Variants in ACACA observed in about 807,000 individuals in gnomAD.
The protein encoded by ACACA is acetyl-CoA carboxylase alpha.
Under a neutral mutation model 296.1 loss-of-function variants are expected in ACACA, and 103 were observed. The ratio of observed to expected loss-of-function variants is 0.35; its 90% CI spans 0.30 to 0.41. ACACA has a LOEUF of 0.41. ACACA is among the 10% of genes least tolerant of loss of function. The probability of loss-of-function intolerance (pLI) is 1.00; values close to 1 mark genes in which losing one functional copy is unlikely to be tolerated. For synonymous variants in ACACA, 953 were observed against 1,038.6 expected (o/e 0.92, Z 1.58); for missense variants, 1,554 against 2,989.7 (o/e 0.52, Z 11.20).
intron 21 of ACACA, 29 bp from the exon 22 acceptor site, chr17:37,243,588 C>T (rs1442262432): frequency 1.9e-6 from 3 of 1,603,428 alleles, no homozygotes; most frequent in Non-Finnish European, 2.6e-6. Flanking sequence ...TAAAATAGGA[C>T]CCAAGTTAAC....
intron 28 of ACACA, 83 bp from the exon 29 acceptor site, chr17:37,221,925 G>A: frequency 4.1e-6 from 5 of 1,208,186 alleles, no homozygotes; most frequent in East Asian, 2.4e-5. Context: ...TTGAAACGAG[G>A]TATCTGAGGC....
intron 16 of ACACA, among the ~76,000 whole-genome samples, chr17:37,250,574 G>A (rs1437826168): frequency 6.6e-6 from 1 of 151,842 alleles, no homozygotes; most frequent in Non-Finnish European, 1.5e-5. Context: ...GGAGGCGAAG[G>A]TTACAGTGAG....
chr17:37,317,561 T>A (rs1284081700), intron 3 of ACACA, among the ~76,000 whole-genome samples: 5 of 151,930 alleles, frequency 3.3e-5, no homozygotes, highest in African/African-American at 1.2e-4. Context: ...AGACTCTATC[T>A]GGAAAAAAAA....
intron 41 of ACACA, 107 bp downstream of exon 41, chr17:37,179,153 T>G (rs1459548755): frequency 1.4e-6 from 2 of 1,402,036 alleles, no homozygotes; most frequent in African/African-American, 2.8e-5. Flanking sequence ...TAAAGAACTC[T>G]CCCAACAAGA....
intron 45 of ACACA, among the ~76,000 whole-genome samples, chr17:37,136,859 C>T (rs2075355850): frequency 6.6e-6 from 1 of 151,878 alleles, no homozygotes; most frequent in Admixed American, 6.6e-5. Flanking sequence ...AGGAGAATCG[C>T]TTGAACCCGG....
intron 19 of ACACA, among the ~76,000 whole-genome samples, chr17:37,246,459 G>A (rs750054904): frequency 1.3e-5 from 2 of 151,244 alleles, no homozygotes; most frequent in African/African-American, 2.4e-5. Flanking sequence ...GATTTGTGAC[G>A]CAGGCCACAA....
chr17:37,287,569 T>TA (rs1170331801), intron 3 of ACACA, among the ~76,000 whole-genome samples: 17,387 of 69,678 alleles, frequency 0.25, 1,697 homozygotes, highest in East Asian at 0.52. Context: ...ACGTCTCTAC[T>TA]AAAAAAAAAA....
intron 55 of ACACA, 144 bp downstream of exon 55, chr17:37,088,794 G>A: frequency 8.9e-7 from 1 of 1,123,218 alleles, no homozygotes; most frequent in East Asian, 2.4e-5. Context: ...ATCTGTACCT[G>A]TGGGTCAACT....
intron 33 of ACACA, among the ~76,000 whole-genome samples, chr17:37,205,282 G>T (rs994120687): frequency 1.3e-5 from 2 of 152,098 alleles, no homozygotes; most frequent in Non-Finnish European, 2.9e-5. Context: ...GACGAGAAGA[G>T]GTGAAGCAAA....
intron 38 of ACACA, 147 bp from the exon 39 acceptor site, chr17:37,188,627 G>A (rs1193822702): frequency 1.3e-6 from 1 of 792,296 alleles, no homozygotes; most frequent in Non-Finnish European, 2.1e-6. Context: ...TGGTCAGATA[G>A]TTTCTCCCCA....
chr17:37,259,025 T>TA (rs1048469580), intron 12 of ACACA, among the ~76,000 whole-genome samples: 5 of 151,952 alleles, frequency 3.3e-5, no homozygotes, highest in African/African-American at 1.2e-4. Flanking sequence ...AGAACACTAG[T>TA]AAAAAAACAA....
At chr17:37,368,320 C>T (rs943406639) in intron 1 of ACACA, among the ~76,000 whole-genome samples, 4 of 151,812 alleles carry the variant, frequency 2.6e-5, no homozygotes, top group Admixed American at 2.6e-4. Context: ...GTGGTTCACA[C>T]CTATAATCCC....
chr17:37,165,377 A>G (rs1157203783), intron 41 of ACACA, among the ~76,000 whole-genome samples: 1 of 152,342 alleles, frequency 6.6e-6, no homozygotes, highest in East Asian at 1.9e-4. Context: ...TATCACTTAT[A>G]TTAACTAACT....
At chr17:37,234,235 T>C (rs956968641) in intron 25 of ACACA, among the ~76,000 whole-genome samples, 2 of 152,200 alleles carry the variant, frequency 1.3e-5, no homozygotes, top group African/African-American at 4.8e-5. Context: ...TGAGGGACTC[T>C]AGGAGTAGTC....
intron 3 of ACACA, among the ~76,000 whole-genome samples, chr17:37,323,099 T>C (rs1242504092): frequency 6.6e-6 from 1 of 152,246 alleles, no homozygotes; most frequent in Non-Finnish European, 1.5e-5. Flanking sequence ...ACATGCTCAC[T>C]TGGGCTTTCA....
chr17:37,280,205 TTTTG>T (rs945210069), intron 5 of ACACA, among the ~76,000 whole-genome samples: 7 of 152,124 alleles, frequency 4.6e-5, no homozygotes, highest in East Asian at 3.9e-4. Context: ...TAGATTTCTT[TTTTG>T]TTTGTTTGTT....
chr17:37,147,734 T>G, intron 45 of ACACA, among the ~76,000 whole-genome samples: 1 of 152,210 alleles, frequency 6.6e-6, no homozygotes, highest in East Asian at 1.9e-4. Flanking sequence ...TATGCCCTTT[T>G]GGAAGTGAGC....
rs558005835 is a variant in ACACA at position 37,092,537 on chromosome 17, A to G, written c.6892-3463T>C. ...AGTATCTCAGGCACTAGTCAGCCTCACTAATTTTATGTAGTAATTAGTCTA... is the reference window on the plus strand; with the variant it reads ...AGTATCTCAGGCACTAGTCAGCCTCGCTAATTTTATGTAGTAATTAGTCTA... On this transcript the variant is annotated intron_variant, in intron 54 of 55. Transcript: ENST00000616317. Among the ~76,000 whole-genome samples the G allele has an allele frequency of 2.6e-5, 4 of 152,342 alleles. No homozygotes were observed. The East Asian group carries it at 5.8e-4, about 22-fold the overall frequency.
intron 21 of ACACA, 115 bp downstream of exon 21, chr17:37,244,473 T>TGA (rs2080590246): frequency 7.6e-7 from 1 of 1,310,534 alleles, no homozygotes; most frequent in Admixed American, 1.7e-5. Flanking sequence ...GAAAGAGTTC[T>TGA]AGGCCAAACA....
Sources: allele counts gnomAD v4.1 joint callset (sites outside exome capture counted in the v4.1 genomes callset), GRCh38; gene constraint gnomAD v4.1.1; transcripts MANE v1.5; gene names NCBI Gene and HGNC (gene_info 2026-07-23, HGNC 2026-07-21).